CDC14A: variants seen among roughly 807,000 people sequenced by gnomAD.
CDC14A encodes cell division cycle 14A, also known as dual specificity protein phosphatase CDC14A.
CDC14A carries 53 observed loss-of-function variants against 74.4 expected under a neutral mutation model. That is an observed-to-expected ratio of 0.71 (90% CI 0.57 to 0.89). The LOEUF (loss-of-function observed/expected upper bound fraction) is 0.89, where lower values mean the gene tolerates loss of function less well. Among genes scored for constraint, CDC14A ranks in the 40% least tolerant of loss-of-function variants. The pLI is 0.00. For missense variants in CDC14A, 646 were observed against 713.7 expected (o/e 0.91, Z 1.08); for synonymous variants, 247 against 258.4 (o/e 0.96, Z 0.43).
intron 4 of CDC14A, among the ~76,000 whole-genome samples, chr1:100,410,454 T>C (rs952282546): frequency 2.6e-5 from 4 of 152,052 alleles, no homozygotes; most frequent in African/African-American, 9.7e-5. Flanking sequence ...CCCGGGTAGC[T>C]GGATTACAGG....
upstream of CDC14A, among the ~76,000 whole-genome samples, chr1:100,352,184 C>T (rs1001798062): frequency 6.6e-6 from 1 of 152,192 alleles, no homozygotes; most frequent in African/African-American, 2.4e-5. Flanking sequence ...TGGCGATGTC[C>T]ACTCTCAACC....
chr1:100,377,724 G>T, intron 3 of CDC14A, 103 bp downstream of exon 3: 1 of 769,396 alleles, frequency 1.3e-6, no homozygotes, highest in East Asian at 2.6e-5. Flanking sequence ...AGGTGATCTT[G>T]ATCTCTGGAA....
intron 2 of CDC14A, among the ~76,000 whole-genome samples, chr1:100,365,798 A>G (rs1249660932): frequency 6.6e-6 from 1 of 152,222 alleles, no homozygotes; most frequent in East Asian, 1.9e-4. Flanking sequence ...AAATGTGATC[A>G]TTATGAGTTC....
chr1:100,497,888 G>A (rs927446438), intron 13 of CDC14A, among the ~76,000 whole-genome samples, 197 bp from the exon 14 acceptor site: 1 of 151,500 alleles, frequency 6.6e-6, no homozygotes, highest in Non-Finnish European at 1.5e-5. Context: ...GACAAGCTGA[G>A]CTGACATCTT....
At chr1:100,478,454 C>T (rs1021848740) in intron 10 of CDC14A, among the ~76,000 whole-genome samples, 18 of 152,170 alleles carry the variant, frequency 1.2e-4, no homozygotes, top group East Asian at 3.9e-4. Flanking sequence ...TCTGTGACCT[C>T]GGGGATCATC....
chr1:100,509,496 C>T (rs1039632166), intron 15 of CDC14A, among the ~76,000 whole-genome samples: 2 of 147,298 alleles, frequency 1.4e-5, no homozygotes, highest in Admixed American at 6.6e-5. Flanking sequence ...TGCATCTTTT[C>T]TAATACTGTG....
rs539738447 is a variant in CDC14A at position 100,465,862 on chromosome 1, G to A, written c.839-2094G>A. ...TTCAGAAAATGCCTGGAACTATAAA[G>A]CAATTGGTGTTTGACTTGGTATAAA... On this transcript the variant is annotated intron_variant, in intron 9 of 15. Coordinates refer to ENST00000336454, the MANE Select transcript of CDC14A (RefSeq NM_003672.4). Among the ~76,000 whole-genome samples the A allele has an allele frequency of 4.6e-5, 7 of 152,272 alleles. No individual in the cohort carries two copies. The South Asian group carries it at 6.2e-4, about 14-fold the overall frequency.
chr1:100,494,075 C>A (rs1261846789), intron 11 of CDC14A, among the ~76,000 whole-genome samples: 2 of 152,102 alleles, frequency 1.3e-5, no homozygotes, highest in Non-Finnish European at 2.9e-5. Context: ...CATCTTGGGA[C>A]AATAAATCTA....
intron 4 of CDC14A, among the ~76,000 whole-genome samples, chr1:100,406,347 A>T (rs2101025724): frequency 6.6e-6 from 1 of 152,192 alleles, no homozygotes; most frequent in South Asian, 2.1e-4. Flanking sequence ...CACTCTGATG[A>T]TAGTTTCTTT....
At chr1:100,411,981 A>G (rs952520912) in intron 4 of CDC14A, among the ~76,000 whole-genome samples, 3 of 152,174 alleles carry the variant, frequency 2.0e-5, no homozygotes, top group African/African-American at 7.2e-5. Context: ...CAAAGGCTTT[A>G]GAGTGGGAAT....
chr1:100,453,326 G>C (rs942404204), intron 7 of CDC14A, among the ~76,000 whole-genome samples: 1 of 152,116 alleles, frequency 6.6e-6, no homozygotes, highest in Non-Finnish European at 1.5e-5. Context: ...AACCTACTTG[G>C]TGGTCAAGGA....
chr1:100,428,933 C>T (rs1444990851), intron 5 of CDC14A, among the ~76,000 whole-genome samples: 5 of 152,070 alleles, frequency 3.3e-5, no homozygotes, highest in South Asian at 2.1e-4. Context: ...ATAGGCCGGG[C>T]GCGGTGGCTC....
intron 4 of CDC14A, among the ~76,000 whole-genome samples, chr1:100,410,821 C>T (rs1017646996): frequency 3.9e-5 from 6 of 152,164 alleles, no homozygotes; most frequent in Admixed American, 6.5e-5. Flanking sequence ...ACCGAATTCT[C>T]GCTATTAATT....
chr1:100,471,119 C>T (rs1668352548), intron 10 of CDC14A, among the ~76,000 whole-genome samples: 1 of 152,044 alleles, frequency 6.6e-6, no homozygotes, highest in Non-Finnish European at 1.5e-5. Context: ...TACTGATATA[C>T]TCAACATAGA....
intron 5 of CDC14A, among the ~76,000 whole-genome samples, chr1:100,433,655 G>C: frequency 6.6e-6 from 1 of 151,790 alleles, no homozygotes; most frequent in East Asian, 1.9e-4. Flanking sequence ...TTTCTTCTTC[G>C]AGTAACTTCA....
chr1:100,463,655 G>A (rs1157603229), intron 9 of CDC14A, among the ~76,000 whole-genome samples: 1 of 152,146 alleles, frequency 6.6e-6, no homozygotes, highest in Non-Finnish European at 1.5e-5. Context: ...CAGGGAACAT[G>A]CATTCTGTAT....
chr1:100,353,873 T>C (rs1651496722), intron 2 of CDC14A, 21 bp downstream of exon 2: 1 of 1,466,278 alleles, frequency 6.8e-7, no homozygotes, highest in African/African-American at 1.4e-5. Flanking sequence ...GTTTTGTTTT[T>C]TTTTCTCTTG....
chr1:100,366,645 T>A (rs2100913300), intron 2 of CDC14A, among the ~76,000 whole-genome samples: 1 of 152,298 alleles, frequency 6.6e-6, no homozygotes, highest in African/African-American at 2.4e-5. Flanking sequence ...CTCTGATCCT[T>A]GGGCTCCTGT....
At chr1:100,442,865 G>T in intron 6 of CDC14A, 69 bp from the exon 7 acceptor site, 1 of 987,086 alleles carries the variant, frequency 1.0e-6, no homozygotes, top group South Asian at 1.3e-5. Context: ...CTGTAAGTAG[G>T]AGTTCCAGAA....
Sources: gnomAD v4.1 joint callset for allele counts (sites outside exome capture counted in the v4.1 genomes callset) on GRCh38, gnomAD v4.1.1 for gene constraint, MANE v1.5 for transcripts, NCBI Gene and HGNC (gene_info 2026-07-23, HGNC 2026-07-21) for gene names.